ELF4: variants seen among roughly 807,000 people sequenced by gnomAD.
The protein encoded by ELF4 is ETS-related transcription factor Elf-4.
In ELF4, 10 loss-of-function variants were observed where a neutral mutation model predicts 31.7. That is an observed-to-expected ratio of 0.32 (90% CI 0.19 to 0.54). The LOEUF (loss-of-function observed/expected upper bound fraction) is 0.54, where lower values mean the gene tolerates loss of function less well. ELF4 is among the 20% of genes least tolerant of loss of function. ELF4 has a pLI of 0.95. For synonymous variants in ELF4, 208 were observed against 226.7 expected (o/e 0.92, Z 0.74); for missense variants, 418 against 522.0 (o/e 0.80, Z 1.94).
At chrX:130,097,383 G>A (rs1933169240) in intron 1 of ELF4, among the ~76,000 whole-genome samples, 2 of 110,477 alleles carry the variant, frequency 1.8e-5, no homozygotes, top group Non-Finnish European at 3.8e-5. Flanking sequence ...GTTGCAGTGA[G>A]TTGAGATCGC....
At chrX:130,078,128 A>G (rs1390291124) in intron 2 of ELF4, among the ~76,000 whole-genome samples, 2 of 246 alleles carry the variant, frequency 8.1e-3, no homozygotes, top group African/African-American at 0.027. Context: ...GCTCACTGCA[A>G]CCTCCACTAC....
chrX:130,095,438 T>C (rs1439300931), intron 1 of ELF4, among the ~76,000 whole-genome samples: 1 of 112,273 alleles, frequency 8.9e-6, no homozygotes, highest in East Asian at 2.8e-4. Flanking sequence ...GTGACCTTGA[T>C]CTTGAAGTCC....
chrX:130,099,507 GA>G (rs1216781540), intron 1 of ELF4, among the ~76,000 whole-genome samples: 2 of 110,916 alleles, frequency 1.8e-5, no homozygotes, highest in Non-Finnish European at 3.8e-5. Context: ...CCAGAAAGTG[GA>G]GGTTGCAGTG....
At chrX:130,088,667 C>T (rs766627899) in intron 1 of ELF4, among the ~76,000 whole-genome samples, 1 of 111,521 alleles carries the variant, frequency 9.0e-6, no homozygotes, top group Non-Finnish European at 1.9e-5. Context: ...AAGCTGAGAT[C>T]GCGCCACTGC....
chrX:130,072,855 G>A (rs1317868083), intron 4 of ELF4, among the ~76,000 whole-genome samples: 1 of 111,540 alleles, frequency 9.0e-6, no homozygotes, highest in Non-Finnish European at 1.9e-5. Flanking sequence ...GTACAAATAG[G>A]CACCCATTAT....
chrX:130,085,422 G>A (rs1932946842), intron 1 of ELF4, among the ~76,000 whole-genome samples: 1 of 111,524 alleles, frequency 9.0e-6, no homozygotes, highest in Admixed American at 9.5e-5. Flanking sequence ...GTCACAACTC[G>A]GCCCCCTTTA....
At chrX:130,097,775 C>T (rs1308788550) in intron 1 of ELF4, among the ~76,000 whole-genome samples, 2 of 112,949 alleles carry the variant, frequency 1.8e-5, no homozygotes, top group Non-Finnish European at 3.8e-5. Context: ...GGGCTGGCGC[C>T]CAGGCCAGCA....
In ELF4 at chrX:130,072,098, G is replaced by A. The variant is rs9698546; in HGVS notation, c.532+128C>T. The A allele has an allele frequency of 3.4e-3, 2,695 of 798,670 alleles. 53 individuals are homozygous for A. In the African/African-American group the frequency reaches 0.049, roughly 14 times the overall value. 65.8% of individuals were successfully genotyped at this position (798,670 alleles called of 1,213,427 possible). ...GGATGAGGCCAGGTTTTACAGAAGG[G>A]AGGCCTTTTGGTCCATCTCTGTCAC... On this transcript the variant is annotated intron_variant, in intron 5 of 8. Coordinates refer to ENST00000308167, the MANE Select transcript of ELF4 (RefSeq NM_001421.4).
chrX:130,064,797 T>C lies in ELF4; in HGVS notation c.*1924A>G. 1 of 129,226 alleles carries C rather than the reference T, an allele frequency of 7.7e-6. No individual in the cohort carries two copies. Among genetic ancestry groups the C allele is most frequent in the South Asian group, 3.8e-4 (1 of 2,616 alleles). The allele number at this position is 129,226 out of a possible 1,213,427, so 10.6% of individuals were successfully genotyped here. On this transcript the variant is annotated 3_prime_UTR_variant, in exon 9 of 9. Transcript: ENST00000308167. ...CTTCCAGCAATGAGTTTCCATGGAG[T>C]TGGAGTAGGGGTGGCAGAAACCAGT...
rs1932636163 is a variant in ELF4, at chrX:130,065,216, G to A, written c.*1505C>T. ...ACCAGATAATAGAGTTGTTTCCGTG[G>A]CTGACATTTCTTAGCCTTGCCCTCA... On this transcript the variant is annotated 3_prime_UTR_variant, in exon 9 of 9. Transcript: ENST00000308167. 1 of 175,613 alleles carries A rather than the reference G, an allele frequency of 5.7e-6. No individual in the cohort carries two copies. The highest frequency in any genetic ancestry group is 1.1e-5 in the Non-Finnish European group (1 of 91,395). The allele number at this position is 175,613 out of a possible 1,213,427, so 14.5% of individuals were successfully genotyped here.
At chrX:130,086,770 C>G (rs955997855) in intron 1 of ELF4, among the ~76,000 whole-genome samples, 5 of 112,641 alleles carry the variant, frequency 4.4e-5, no homozygotes. Flanking sequence ...TTTCAGGTGA[C>G]CTCCCAGAGA....
At chrX:130,105,791 T>C (rs1459367810) in intron 1 of ELF4, among the ~76,000 whole-genome samples, 1 of 110,467 alleles carries the variant, frequency 9.1e-6, no homozygotes, top group South Asian at 3.9e-4. Context: ...AAGTGGCATG[T>C]CAGTTTTCCT....
intron 1 of ELF4, among the ~76,000 whole-genome samples, chrX:130,102,882 GAGAGAAAGAAAGAA>G (rs1195520455): frequency 1.8e-5 from 1 of 55,527 alleles, no homozygotes; most frequent in Non-Finnish European, 3.5e-5. Context: ...GAGAGAGAGA[GAGAGAAAGAAAGAA>G]AGAAAGAAAG....
chrX:130,100,757 CTT>C lies in ELF4; in HGVS notation c.-210+9566_-210+9567del, dbSNP rs774031877. On this transcript the variant is annotated intron_variant, in intron 1 of 8. Transcript: ENST00000308167. ...CCCTTTAATTATTTCACGTGTATCT[CTT>C]GTTTCCCCAACAGGTAGTAAAATCC... Among the ~76,000 whole-genome samples, 3 of 111,901 alleles carry C rather than the reference CTT, an allele frequency of 2.7e-5. No individual in the cohort carries two copies. The East Asian group carries it at 8.4e-4, about 31-fold the overall frequency.
intron 2 of ELF4, among the ~76,000 whole-genome samples, chrX:130,077,922 T>C (rs1932848642): frequency 8.9e-6 from 1 of 112,230 alleles, no homozygotes; most frequent in Non-Finnish European, 1.9e-5. Context: ...TTAATACATG[T>C]CTACATCTAA....
rs1932696952 is a variant in ELF4, at chrX:130,067,166, G to T, written c.1547C>A (p.Pro516His). Residue 516 changes from proline to histidine, a missense_variant, in exon 9 of 9, where the codon CCC (proline) becomes CAC (histidine). Pro to His is a moderately conservative substitution (Grantham distance 77). This residue lies in a region of ELF4 where 260 missense variants were observed against 269.2 expected (regional missense o/e 0.97). Coordinates refer to ENST00000308167, the MANE Select transcript of ELF4 (RefSeq NM_001421.4). ...GAGPAGPSSQ[P>H]PGTVIAAFIR... ...GAAGGCAGCAATGACAGTCCCAGGG[G>T]GCTGAGAGCTGGGCCCTGCTGGTCC... 1 of 1,204,595 alleles carries T rather than the reference G, an allele frequency of 8.3e-7. No individual in the cohort carries two copies. The highest frequency in any genetic ancestry group is 1.1e-6 in the Non-Finnish European group (1 of 891,130).
intron 7 of ELF4, among the ~76,000 whole-genome samples, chrX:130,070,178 G>A (rs897145725): frequency 8.9e-6 from 1 of 112,023 alleles, no homozygotes; most frequent in Non-Finnish European, 1.9e-5. Flanking sequence ...GCTCACGCCT[G>A]TAATCCCAAC....
At position 130,069,690 on chromosome X, in the gene ELF4, G is replaced by C; in HGVS notation, c.810-13C>G. Reference sequence around the variant, plus strand: ...TTGGTAGTAGTATCTAGAGGAAGAGGGGCAGGGAGTTGGGAGTTAGCCGGG... The same window carrying C: ...TTGGTAGTAGTATCTAGAGGAAGAGCGGCAGGGAGTTGGGAGTTAGCCGGG... On this transcript the variant is annotated splice_polypyrimidine_tract_variant and intron_variant, in intron 7 of 8. Coordinates refer to ENST00000308167, the MANE Select transcript of ELF4 (RefSeq NM_001421.4). 8.3e-7 allele frequency: 1 copy of C among 1,210,664 alleles called. No homozygotes were observed. The highest frequency in any genetic ancestry group is 3.0e-5 in the East Asian group (1 of 33,853).
At chrX:130,094,632 C>T (rs773218692) in intron 1 of ELF4, among the ~76,000 whole-genome samples, 22 of 110,255 alleles carry the variant, frequency 2.0e-4, no homozygotes, top group African/African-American at 7.3e-4. Flanking sequence ...CACTCTATGT[C>T]CCCCCTAGGA....
Sources: allele counts gnomAD v4.1 joint callset (sites outside exome capture counted in the v4.1 genomes callset), GRCh38; gene constraint gnomAD v4.1.1; regional missense constraint gnomAD v4.1.1; transcripts MANE v1.5; gene names NCBI Gene and HGNC (gene_info 2026-07-23, HGNC 2026-07-21).